The following DUSP22 variants were observed in gnomAD, a reference collection of about 807,000 sequenced individuals.
DUSP22 encodes the protein dual specificity phosphatase 22.
In DUSP22, 24 loss-of-function variants were observed where a neutral mutation model predicts 24.5. The ratio of observed to expected loss-of-function variants is 0.98; its 90% CI spans 0.71 to 1.38. DUSP22 has a LOEUF of 1.38. DUSP22 is among the 40% of genes most tolerant of loss of function. DUSP22 has a pLI of 0.00. For synonymous variants in DUSP22, 160 were observed against 106.4 expected (o/e 1.50, Z -3.10); for missense variants, 330 against 269.2 (o/e 1.23, Z -1.58).
At chr6:348,071 C>T (rs762365108) in intron 5 of DUSP22, 32 bp from the exon 6 acceptor site, 116 of 1,611,938 alleles carry the variant, frequency 7.2e-5, no homozygotes, top group Non-Finnish European at 9.5e-5. Flanking sequence ...TCTGAAACTG[C>T]CCTCACACAT....
At chr6:325,175 A>G (rs1758801837) in intron 3 of DUSP22, 1 of 226,100 alleles carries the variant, frequency 4.4e-6, no homozygotes, top group Non-Finnish European at 8.5e-6. Context: ...GCAGTGCTGT[A>G]TCTGCTGGTG....
intron 4 of DUSP22, among the ~76,000 whole-genome samples, chr6:341,296 A>G (rs1182589708): frequency 6.6e-6 from 1 of 152,300 alleles, no homozygotes; most frequent in African/African-American, 2.4e-5. Context: ...GAGAGCAGGA[A>G]CAGGGAACTT....
In DUSP22 at chr6:349,989, G is replaced by T. The variant is rs1760115681; in HGVS notation, c.*1038G>T. 1 of 985,616 alleles carries T rather than the reference G, an allele frequency of 1.0e-6. No homozygotes were observed. The highest frequency in any genetic ancestry group is 1.7e-5 in the African/African-American group (1 of 57,280). The allele number at this position is 985,616 out of a possible 1,614,324, so 61.1% of individuals were successfully genotyped here. On this transcript the variant is annotated 3_prime_UTR_variant, in exon 7 of 7. Coordinates refer to ENST00000419235, the MANE Select transcript of DUSP22 (RefSeq NM_001286555.3). Reference sequence around the variant, plus strand: ...TGCATGCACCTGCAAGAATTGGGAAGAAAGAGCATTTATTAGGCACTGTAG... The same window carrying T: ...TGCATGCACCTGCAAGAATTGGGAATAAAGAGCATTTATTAGGCACTGTAG...
intron 1 of DUSP22, among the ~76,000 whole-genome samples, chr6:302,373 C>G (rs954045929): frequency 1.3e-5 from 2 of 152,308 alleles, no homozygotes; most frequent in Non-Finnish European, 1.5e-5. Context: ...CACTAACGCC[C>G]GCCTTCTCTC....
intron 1 of DUSP22, among the ~76,000 whole-genome samples, chr6:295,273 T>A (rs995829806): frequency 3.9e-5 from 6 of 152,288 alleles, no homozygotes. Flanking sequence ...AAAAGAGCAT[T>A]TCTGGTCTAA....
chr6:346,922 G>A (rs987015054), intron 5 of DUSP22, among the ~76,000 whole-genome samples: 3 of 152,304 alleles, frequency 2.0e-5, no homozygotes, highest in Non-Finnish European at 2.9e-5. Context: ...CGATAGGGAC[G>A]ACAGGGAGGA....
intron 3 of DUSP22, among the ~76,000 whole-genome samples, chr6:314,692 T>C (rs1288706119): frequency 1.3e-5 from 2 of 152,300 alleles, no homozygotes; most frequent in African/African-American, 2.4e-5. Flanking sequence ...TGTGCAGACA[T>C]GTATCAGCCT....
intron 3 of DUSP22, among the ~76,000 whole-genome samples, chr6:328,600 G>C (rs1758996600): frequency 1.3e-5 from 2 of 152,304 alleles, no homozygotes; most frequent in Admixed American, 6.5e-5. Context: ...CGCCCCATCA[G>C]TACCACAGAG....
intron 4 of DUSP22, among the ~76,000 whole-genome samples, chr6:339,324 T>C (rs1488409360): frequency 2.0e-5 from 3 of 152,306 alleles, no homozygotes; most frequent in Admixed American, 1.3e-4. Flanking sequence ...TCTCACAGGG[T>C]TTTTTATAGT....
intron 4 of DUSP22, among the ~76,000 whole-genome samples, chr6:338,645 A>G (rs1403965260): frequency 6.6e-6 from 1 of 152,298 alleles, no homozygotes; most frequent in Non-Finnish European, 1.5e-5. Flanking sequence ...CTCTTTAGCC[A>G]CTTAAAAAAT....
chr6:303,595 G>C (rs1268085563), intron 1 of DUSP22, among the ~76,000 whole-genome samples: 1 of 152,310 alleles, frequency 6.6e-6, no homozygotes, highest in African/African-American at 2.4e-5. Context: ...AGACAGTGGG[G>C]GCGAGGCTAG....
chr6:332,410 G>GA (rs1759180336), intron 3 of DUSP22, among the ~76,000 whole-genome samples: 1 of 152,306 alleles, frequency 6.6e-6, no homozygotes, highest in African/African-American at 2.4e-5. Context: ...CAGATGGAGA[G>GA]ATAGCCTTTG....
intron 3 of DUSP22, among the ~76,000 whole-genome samples, chr6:322,881 TA>T: frequency 6.7e-6 from 1 of 149,564 alleles, no homozygotes; most frequent in Non-Finnish European, 1.5e-5. Flanking sequence ...AATGGGAAGT[TA>T]AAGGGGGTAG....
intron 3 of DUSP22, among the ~76,000 whole-genome samples, chr6:333,067 A>G (rs376532895): frequency 6.3e-4 from 96 of 152,384 alleles, no homozygotes; most frequent in African/African-American, 2.2e-3. Flanking sequence ...TTTTAACAAT[A>G]ATACTTCCTT....
intron 1 of DUSP22, among the ~76,000 whole-genome samples, chr6:300,111 A>G (rs1292935139): frequency 6.6e-6 from 1 of 152,300 alleles, no homozygotes; most frequent in Non-Finnish European, 1.5e-5. Flanking sequence ...TAGTTTGTCA[A>G]CCACAGTATT....
intron 3 of DUSP22, among the ~76,000 whole-genome samples, chr6:316,637 C>T (rs1275936449): frequency 5.3e-5 from 8 of 152,288 alleles, no homozygotes; most frequent in Admixed American, 2.6e-4. Context: ...TTCTCCCTTC[C>T]CCTGAAAAAA....
In DUSP22 at chr6:349,555, C is replaced by A. The variant is rs1210786188; in HGVS notation, c.*604C>A. On this transcript the variant is annotated 3_prime_UTR_variant, in exon 7 of 7. Coordinates refer to ENST00000419235, the MANE Select transcript of DUSP22 (RefSeq NM_001286555.3). ...AGAGCATGGCCTCTCCCAGAACCCACCCAGGGTGGTGTGGTGGGGGCAACA... is the reference window on the plus strand; with the variant it reads ...AGAGCATGGCCTCTCCCAGAACCCAACCAGGGTGGTGTGGTGGGGGCAACA... 2.0e-6 allele frequency: 2 copies of A among 989,414 alleles called. No individual in the cohort carries two copies. The highest frequency in any genetic ancestry group is 2.4e-6 in the Non-Finnish European group (2 of 833,038). The allele number at this position is 989,414 out of a possible 1,614,324, so 61.3% of individuals were successfully genotyped here. A position where few individuals can be genotyped will look rare whatever the true frequency, so the allele number is the denominator to read the frequency against.
chr6:297,911 T>G (rs1757415443), intron 1 of DUSP22, among the ~76,000 whole-genome samples: 1 of 152,300 alleles, frequency 6.6e-6, no homozygotes, highest in Non-Finnish European at 1.5e-5. Flanking sequence ...TTCACCATAT[T>G]GTTATTGAAC....
chr6:345,414 T>C (rs1386958589), intron 4 of DUSP22, among the ~76,000 whole-genome samples: 1 of 152,302 alleles, frequency 6.6e-6, no homozygotes, highest in African/African-American at 2.4e-5. Context: ...TTCACCATGT[T>C]GGCCAGGCTG....
Sources: gnomAD v4.1 joint callset for allele counts (sites outside exome capture counted in the v4.1 genomes callset) on GRCh38, gnomAD v4.1.1 for gene constraint, MANE v1.5 for transcripts, NCBI Gene and HGNC (gene_info 2026-07-23, HGNC 2026-07-21) for gene names.